Variants in CUEDC1 observed in about 807,000 individuals in gnomAD.
CUEDC1 encodes the protein CUE domain-containing protein 1.
In CUEDC1, 30 loss-of-function variants were observed where a neutral mutation model predicts 43.7. The observed-to-expected ratio is 0.69, with a 90% confidence interval of 0.51 to 0.93. The LOEUF (loss-of-function observed/expected upper bound fraction) is 0.93. Among genes scored for constraint, CUEDC1 ranks in the 40% least tolerant of loss-of-function variants. The pLI is 0.00. For synonymous variants in CUEDC1, 223 were observed against 223.6 expected (o/e 1.00, Z 0.02); for missense variants, 486 against 549.0 (o/e 0.89, Z 1.15).
chr17:57,953,133 T>A (rs1226154791), intron 1 of CUEDC1, among the ~76,000 whole-genome samples: 1 of 152,160 alleles, frequency 6.6e-6, no homozygotes, highest in African/African-American at 2.4e-5. Context: ...CACTCTCTAC[T>A]AAAGCACCTC....
At chr17:57,894,994 A>G (rs1483982204) in intron 1 of CUEDC1, among the ~76,000 whole-genome samples, 4 of 152,212 alleles carry the variant, frequency 2.6e-5, no homozygotes, top group African/African-American at 9.6e-5. Context: ...GAAACATGTC[A>G]TTTGTTTGGT....
intron 1 of CUEDC1, among the ~76,000 whole-genome samples, chr17:57,887,880 T>C (rs1388301461): frequency 6.7e-6 from 1 of 150,222 alleles, no homozygotes; most frequent in Non-Finnish European, 1.5e-5. Context: ...CGATTTTTTC[T>C]TTTCTTTTTC....
chr17:57,904,695 G>C (rs1184706207), intron 1 of CUEDC1, among the ~76,000 whole-genome samples: 1 of 152,112 alleles, frequency 6.6e-6, no homozygotes, highest in Non-Finnish European at 1.5e-5. Flanking sequence ...GGGAGAAATG[G>C]GACCCCTGTC....
At chr17:57,881,133 G>T (rs997562362) in intron 2 of CUEDC1, among the ~76,000 whole-genome samples, 1 of 152,150 alleles carries the variant, frequency 6.6e-6, no homozygotes, top group Admixed American at 6.5e-5. Context: ...CCTCCCAGGG[G>T]CACCTGGTGG....
At chr17:57,898,888 G>A (rs1293758423) in intron 1 of CUEDC1, among the ~76,000 whole-genome samples, 12 of 152,180 alleles carry the variant, frequency 7.9e-5, no homozygotes, top group African/African-American at 2.7e-4. Context: ...TCCAAGGGTA[G>A]GAGAAGTGAT....
intron 1 of CUEDC1, among the ~76,000 whole-genome samples, chr17:57,945,334 T>G (rs917266222): frequency 1.3e-5 from 2 of 152,218 alleles, no homozygotes; most frequent in Non-Finnish European, 2.9e-5. Flanking sequence ...CAGGAAACCT[T>G]TAAACACTAG....
chr17:57,919,567 CT>C (rs1287910653), intron 1 of CUEDC1, among the ~76,000 whole-genome samples: 1 of 152,138 alleles, frequency 6.6e-6, no homozygotes, highest in Non-Finnish European at 1.5e-5. Context: ...TGTTGCTTTC[CT>C]TCCCTGGAGC....
At chr17:57,868,767 A>T (rs1442106513) in intron 7 of CUEDC1, among the ~76,000 whole-genome samples, 1 of 151,920 alleles carries the variant, frequency 6.6e-6, no homozygotes, top group Non-Finnish European at 1.5e-5. Context: ...TTGTGGAAAG[A>T]GGTCCCCCAC....
At chr17:57,947,670 G>A (rs1322153812) in intron 1 of CUEDC1, among the ~76,000 whole-genome samples, 1 of 151,836 alleles carries the variant, frequency 6.6e-6, no homozygotes, top group Non-Finnish European at 1.5e-5. Context: ...TTGTGATGGC[G>A]TATGTCTGTA....
chr17:57,892,517 A>T (rs1023596630), intron 1 of CUEDC1: 2 of 152,266 alleles, frequency 1.3e-5, no homozygotes, highest in Non-Finnish European at 2.9e-5. Flanking sequence ...GTCTCTGTGC[A>T]CCCCAGGCTC....
At chr17:57,900,480 TA>T (rs1257557791) in intron 1 of CUEDC1, among the ~76,000 whole-genome samples, 1 of 152,160 alleles carries the variant, frequency 6.6e-6, no homozygotes, top group African/African-American at 2.4e-5. Flanking sequence ...AGAAGTCCAT[TA>T]TGTAAAGGCA....
intron 1 of CUEDC1, among the ~76,000 whole-genome samples, chr17:57,895,544 A>G (rs963257500): frequency 1.3e-5 from 2 of 152,194 alleles, no homozygotes; most frequent in Admixed American, 6.5e-5. Context: ...TGCCTGAGCA[A>G]CCAACTGTTT....
At chr17:57,895,191 TAG>T (rs2074396064) in intron 1 of CUEDC1, among the ~76,000 whole-genome samples, 1 of 152,100 alleles carries the variant, frequency 6.6e-6, no homozygotes, top group African/African-American at 2.4e-5. Context: ...AAATGAGGCG[TAG>T]AAGGGTTGAG....
At chr17:57,920,948 T>A (rs1001351511) in intron 1 of CUEDC1, among the ~76,000 whole-genome samples, 16 of 152,202 alleles carry the variant, frequency 1.1e-4, no homozygotes, top group Non-Finnish European at 1.9e-4. Context: ...AAATGTTTAA[T>A]AAACAGAGTA....
intron 1 of CUEDC1, among the ~76,000 whole-genome samples, chr17:57,920,158 C>G (rs1567717792): frequency 6.6e-6 from 1 of 152,150 alleles, no homozygotes; most frequent in African/African-American, 2.4e-5. Context: ...AGTGACTGTG[C>G]TCTAAAAACC....
intron 1 of CUEDC1, among the ~76,000 whole-genome samples, chr17:57,919,044 G>A (rs1159178447): frequency 6.6e-6 from 1 of 151,606 alleles, no homozygotes. Context: ...GTAGAGACAG[G>A]GTTTCTCCAT....
chr17:57,868,109 G>A, intron 8 of CUEDC1, 41 bp downstream of exon 8: 2 of 1,545,832 alleles, frequency 1.3e-6, no homozygotes, highest in Non-Finnish European at 1.8e-6. Flanking sequence ...CATGGCCCTT[G>A]GCTTCCACCA....
intron 1 of CUEDC1, among the ~76,000 whole-genome samples, chr17:57,916,051 C>G (rs768804717): frequency 6.6e-6 from 1 of 152,232 alleles, no homozygotes; most frequent in Non-Finnish European, 1.5e-5. Context: ...CTCATCTTCT[C>G]ACGAGTTCAA....
intron 1 of CUEDC1, among the ~76,000 whole-genome samples, chr17:57,936,707 G>C (rs1408902326): frequency 6.6e-6 from 1 of 152,044 alleles, no homozygotes; most frequent in Non-Finnish European, 1.5e-5. Context: ...ATCCACCTCT[G>C]TCAGCAGCTC....
Sources: allele counts gnomAD v4.1 joint callset (sites outside exome capture counted in the v4.1 genomes callset), GRCh38; gene constraint gnomAD v4.1.1; transcripts MANE v1.5; gene names NCBI Gene and HGNC (gene_info 2026-07-23, HGNC 2026-07-21).